Variants in SCN8A observed in about 807,000 individuals in gnomAD.
The protein encoded by SCN8A is sodium voltage-gated channel alpha subunit 8.
SCN8A carries 30 observed loss-of-function variants against 184.1 expected under a neutral mutation model. That is an observed-to-expected ratio of 0.16 (90% CI 0.12 to 0.22). The LOEUF is 0.22. SCN8A is among the 10% of genes least tolerant of loss of function. SCN8A has a pLI of 1.00. For missense variants in SCN8A, 1,057 were observed against 2,498.9 expected, an observed-to-expected ratio of 0.42 and a Z score of 12.30; for synonymous variants, 852 against 907.0, an observed-to-expected ratio of 0.94 and a Z score of 1.09.
At chr12:51,721,982 T>G (rs1385088306) in intron 12 of SCN8A, 74 bp downstream of exon 12, 3 of 1,597,694 alleles carry the variant, frequency 1.9e-6, no homozygotes, top group Non-Finnish European at 1.7e-6. Flanking sequence ...GGCATGGCAG[T>G]CTCCCCCGCT....
In SCN8A at chr12:51,806,934, G is replaced by A; in HGVS notation, c.5448G>A (p.Glu1816=). 6.2e-7 allele frequency: 1 copy of A among 1,613,588 alleles called. No individual in the cohort carries two copies. The highest frequency in any genetic ancestry group is 1.1e-5 in the South Asian group (1 of 91,078). The change falls in exon 27 of 27, where the codon GAG becomes GAA. Residue 1816 remains glutamate, a synonymous_variant. Coordinates refer to ENST00000627620, the MANE Select transcript of SCN8A (RefSeq NM_001330260.2). This position sits in a 1 kb window ranked among gnomAD's most constrained non-coding sequence, Gnocchi z 8.7. ...CKLADFADAL[E]HPLRVPKPNT... ...TGGCAGACTTTGCAGATGCCTTGGA[G>A]CATCCTCTCCGAGTGCCCAAGCCCA...
rs1938695425 is a variant in SCN8A, at chr12:51,806,122, C to A, written c.4796-160C>A. Among the ~76,000 whole-genome samples the A allele has an allele frequency of 6.6e-6, 1 of 152,186 alleles. No individual in the cohort carries two copies. The highest frequency in any genetic ancestry group is 1.5e-5 in the Non-Finnish European group (1 of 68,034). On this transcript the variant is annotated intron_variant, in intron 26 of 26. Coordinates refer to ENST00000627620, the MANE Select transcript of SCN8A (RefSeq NM_001330260.2). The surrounding 1 kb of genome is among the most constrained non-coding windows in gnomAD (Gnocchi z 8.7). ...GGATTACAGGCGTGAGCCCCCATGC[C>A]CAGCCAAAATGTCACTTTTTGAGAG...
intron 1 of SCN8A, among the ~76,000 whole-genome samples, chr12:51,607,002 A>G (rs921586472): frequency 1.6e-4 from 25 of 152,050 alleles, no homozygotes; most frequent in African/African-American, 5.5e-4. Context: ...GGCTCAAGCA[A>G]TTCTCCTGCC....
intron 13 of SCN8A, among the ~76,000 whole-genome samples, chr12:51,748,032 C>G (rs1942540671): frequency 6.6e-6 from 1 of 152,184 alleles, no homozygotes; most frequent in African/African-American, 2.4e-5. Flanking sequence ...CTAACCTCTC[C>G]CCTTGTATTT....
intron 1 of SCN8A, among the ~76,000 whole-genome samples, chr12:51,634,546 A>G (rs1225612119): frequency 1.3e-5 from 2 of 152,080 alleles, no homozygotes; most frequent in African/African-American, 2.4e-5. Context: ...GATGGATTTC[A>G]TAGTGGTTCT....
intron 12 of SCN8A, chr12:51,722,177 C>T (rs191810813): frequency 2.3e-4 from 128 of 564,452 alleles, no homozygotes; most frequent in African/African-American, 2.2e-3. Context: ...CCCATCTTCC[C>T]TCCTTGTTTC....
intron 1 of SCN8A, among the ~76,000 whole-genome samples, chr12:51,617,649 G>A (rs1047837315): frequency 2.0e-5 from 3 of 152,064 alleles, no homozygotes; most frequent in Non-Finnish European, 2.9e-5. Context: ...TTTTTTGTAT[G>A]TTAGTTTGAA....
At chr12:51,696,391 T>C (rs1051115547) in intron 6 of SCN8A, among the ~76,000 whole-genome samples, 9 of 152,188 alleles carry the variant, frequency 5.9e-5, no homozygotes, top group Non-Finnish European at 1.0e-4. Context: ...AGTCAAAATA[T>C]AATGAGGACT....
intron 1 of SCN8A, among the ~76,000 whole-genome samples, chr12:51,634,722 C>T (rs1267931483): frequency 6.7e-6 from 1 of 149,544 alleles, no homozygotes; most frequent in African/African-American, 2.5e-5. Context: ...AATCGTAGCT[C>T]ACTGCAACCT....
At chr12:51,792,317 C>CAAA in intron 25 of SCN8A, among the ~76,000 whole-genome samples, 1 of 84,830 alleles carries the variant, frequency 1.2e-5, no homozygotes, top group South Asian at 4.2e-4. Flanking sequence ...CCCATCTGTA[C>CAAA]AAAAAAAAAA....
rs184797387 is a variant in SCN8A, at chr12:51,731,834, C to T, written c.1998+9926C>T. 1.9e-4 allele frequency among the ~76,000 whole-genome samples: 29 copies of T among 152,228 alleles called. No individual in the cohort carries two copies. The East Asian group carries it at 5.0e-3, about 26-fold the overall frequency. Reference sequence around the variant, plus strand: ...CTCTGATGATCGTAATGTTAGGCACCTTTTCATATACTTGTTTGCCATTTA... The same window carrying T: ...CTCTGATGATCGTAATGTTAGGCACTTTTTCATATACTTGTTTGCCATTTA... On this transcript the variant is annotated intron_variant, in intron 12 of 26. Coordinates refer to ENST00000627620, the MANE Select transcript of SCN8A (RefSeq NM_001330260.2).
At chr12:51,761,232 A>T (rs1429115648) in intron 14 of SCN8A, among the ~76,000 whole-genome samples, 2 of 152,062 alleles carry the variant, frequency 1.3e-5, no homozygotes, top group Non-Finnish European at 2.9e-5. Context: ...CAGGATATGG[A>T]AGTCATCGGG....
Position 51,811,293 on chromosome 12 carries a change from C to G in SCN8A, c.*3864C>G, listed in dbSNP as rs549179384. ...AAGAAAAGCAAGGTCCTGACCCCCC[C>G]CAGATCCCCACTCACCCATTGCATG... On this transcript the variant is annotated 3_prime_UTR_variant, in exon 27 of 27. Transcript: ENST00000627620. 6.6e-6 allele frequency: 1 copy of G among 152,218 alleles called. No individual in the cohort carries two copies. Among genetic ancestry groups the G allele is most frequent in the South Asian group, 2.1e-4 (1 of 4,816 alleles). 9.4% of individuals were successfully genotyped at this position (152,218 alleles called of 1,614,324 possible). A position where few individuals can be genotyped will look rare whatever the true frequency, so the allele number is the denominator to read the frequency against.
At chr12:51,623,268 A>G (rs897324398) in intron 1 of SCN8A, among the ~76,000 whole-genome samples, 19 of 152,226 alleles carry the variant, frequency 1.2e-4, no homozygotes, top group Non-Finnish European at 1.8e-4. Flanking sequence ...ACCCATGTAT[A>G]TATACATATT....
At chr12:51,673,822 T>C (rs1941175282) in intron 2 of SCN8A, among the ~76,000 whole-genome samples, 1 of 152,158 alleles carries the variant, frequency 6.6e-6, no homozygotes, top group African/African-American at 2.4e-5. Context: ...TGTTAACTGC[T>C]CTAATAGAAG....
intron 12 of SCN8A, among the ~76,000 whole-genome samples, chr12:51,727,486 C>A (rs1009367953): frequency 6.6e-6 from 1 of 151,956 alleles, no homozygotes; most frequent in African/African-American, 2.4e-5. Context: ...GCCCTTGGAT[C>A]TCAACATAGT....
In SCN8A at chr12:51,789,310, T is replaced by C. The variant is rs1060504139; in HGVS notation, c.4311T>C (p.Asn1437=). 6.2e-7 allele frequency: 1 copy of C among 1,613,944 alleles called. No individual in the cohort carries two copies. Among genetic ancestry groups the C allele is most frequent in the Non-Finnish European group, 8.5e-7 (1 of 1,179,858 alleles). The change falls in exon 24 of 27, where the codon AAT becomes AAC. Residue 1437 remains asparagine (N), a synonymous_variant. Transcript: ENST00000627620. ...KPDEQPKYED[N]IYMYIYFVIF... ...ATGAGCAGCCTAAGTATGAGGACAA[T>C]ATCTACATGTACATCTATTTTGTCA...
chr12:51,668,456 C>T (rs545412301), intron 2 of SCN8A, among the ~76,000 whole-genome samples: 2 of 152,234 alleles, frequency 1.3e-5, no homozygotes, highest in Admixed American at 6.5e-5. Flanking sequence ...ATTTCTAGTT[C>T]CCCACTTTTC....
rs578097691 is a variant in SCN8A, at chr12:51,693,506, A to G, written c.706+4410A>G. ...ATCACTGTAGGCTGGGTGCAGTGGT[A>G]CACACCTATAGTCCCAGCTAATCAG... On this transcript the variant is annotated intron_variant, in intron 6 of 26. Coordinates refer to ENST00000627620, the MANE Select transcript of SCN8A (RefSeq NM_001330260.2). 2.0e-5 allele frequency among the ~76,000 whole-genome samples: 3 copies of G among 152,320 alleles called. No homozygotes were observed. In the South Asian group the frequency reaches 6.2e-4, roughly 32 times the overall value.
Sources: gnomAD v4.1 joint callset for allele counts (sites outside exome capture counted in the v4.1 genomes callset) on GRCh38, gnomAD v4.1.1 for gene constraint, Gnocchi (gnomAD v3.1) non-coding constraint, MANE v1.5 for transcripts, NCBI Gene and HGNC (gene_info 2026-07-23, HGNC 2026-07-21) for gene names.